PLD3: variants seen among roughly 807,000 people sequenced by gnomAD.
The protein encoded by PLD3 is 5'-3' exonuclease PLD3.
Under a neutral mutation model 58.4 loss-of-function variants are expected in PLD3, and 31 were observed. That is an observed-to-expected ratio of 0.53 (90% CI 0.40 to 0.72). The LOEUF is 0.72. PLD3 is among the 30% of genes least tolerant of loss of function. The probability of loss-of-function intolerance (pLI) is 0.00; values close to 1 mark genes in which losing one functional copy is unlikely to be tolerated. For missense variants in PLD3, 595 were observed against 659.8 expected (o/e 0.90, Z 1.08); for synonymous variants, 264 against 273.4 (o/e 0.97, Z 0.34).
chr19:40,370,503 T>A, intron 8 of PLD3: 2 of 266,532 alleles, frequency 7.5e-6, no homozygotes, highest in Non-Finnish European at 7.1e-6. Flanking sequence ...TGAGACCCCA[T>A]CTCTACCAAA....
At chr19:40,364,151 C>T (rs943516066) in intron 1 of PLD3, among the ~76,000 whole-genome samples, 2 of 150,948 alleles carry the variant, frequency 1.3e-5, no homozygotes, top group African/African-American at 4.9e-5. Context: ...GTCAGGAGTT[C>T]GAGACCAGCC....
At chr19:40,350,040 C>T (rs1471296263) in intron 1 of PLD3, among the ~76,000 whole-genome samples, 1 of 150,904 alleles carries the variant, frequency 6.6e-6, no homozygotes, top group Non-Finnish European at 1.5e-5. Context: ...GCGGGCGGAT[C>T]ACCTCAGGTC....
At chr19:40,377,913 TGAA>T (rs757934828) in intron 12 of PLD3, 28 bp downstream of exon 12, 15 of 1,613,160 alleles carry the variant, frequency 9.3e-6, no homozygotes, top group Non-Finnish European at 1.2e-5. Flanking sequence ...CACGGGGCGC[TGAA>T]GAAGAGGGGG....
chr19:40,374,172 G>C (rs2079134711), intron 9 of PLD3, among the ~76,000 whole-genome samples: 1 of 152,098 alleles, frequency 6.6e-6, no homozygotes, highest in African/African-American at 2.4e-5. Flanking sequence ...AGGTGATGCT[G>C]TTGCCGCTGG....
In PLD3 at chr19:40,376,535, C is replaced by G. The variant is rs554796769; in HGVS notation, c.1020-74C>G. On this transcript the variant is annotated intron_variant, in intron 10 of 12. Coordinates refer to ENST00000409735, the MANE Select transcript of PLD3 (RefSeq NM_012268.4). ...AAAGCAGGGCCCAGGCTTGGTTCCC[C>G]AAAGCTGAGGGCAAAGCCTGTGGAC... 399 of 1,486,572 alleles carry G rather than the reference C, an allele frequency of 2.7e-4. 2 individuals carry two copies. In the African/African-American group the frequency reaches 4.6e-3, roughly 17 times the overall value. 92.1% of individuals were successfully genotyped at this position (1,486,572 alleles called of 1,614,324 possible).
In PLD3 at chr19:40,374,538, A is replaced by G. The variant is rs773896667; in HGVS notation, c.937A>G (p.Asn313Asp). ...GRTPDLKALL[N>D]VVDNARSFIY... ...CACTCCAGACCTGAAGGCTCTACTC[A>G]ACGTGGTGGACAATGCCCGGAGTTT... The change falls in exon 10 of 13, where the codon AAC becomes GAC. Residue 313 changes from asparagine (N) to aspartate (D), a missense_variant. Physicochemically the swap from Asn to Asp is conservative, Grantham distance 23. Coordinates refer to ENST00000409735, the MANE Select transcript of PLD3 (RefSeq NM_012268.4). 11 of 1,614,114 alleles carry G rather than the reference A, an allele frequency of 6.8e-6. No individual in the cohort carries two copies. Among genetic ancestry groups the G allele is most frequent in the Non-Finnish European group, 9.3e-6 (11 of 1,180,018 alleles).
chr19:40,350,112 T>C (rs1472777086), intron 1 of PLD3, among the ~76,000 whole-genome samples: 2 of 149,534 alleles, frequency 1.3e-5, no homozygotes, highest in Non-Finnish European at 3.0e-5. Context: ...AATACAAAAT[T>C]AGCCAGGCAT....
rs778869175 is a variant in PLD3, at chr19:40,374,490, C to G, written c.889C>G (p.Pro297Ala). 1.2e-6 allele frequency: 2 copies of G among 1,614,110 alleles called. No individual in the cohort carries two copies. Among genetic ancestry groups the G allele is most frequent in the East Asian group, 4.5e-5 (2 of 44,872 alleles). Reference sequence around the variant, plus strand: ...GTCCCCTCGCCCTCAGAGTGCGCCCCCACCCCTGTGTCCAAGTGGCCGCAC... The same window carrying G: ...GTCCCCTCGCCCTCAGAGTGCGCCCGCACCCCTGTGTCCAAGTGGCCGCAC... ...PALAYLASAP[P>A]PLCPSGRTPD... is the part of the protein sequence containing the mutation. Residue 297 changes from proline (P) to alanine (A), a missense_variant, in exon 10 of 13, where the codon CCA (proline) becomes GCA (alanine). Pro to Ala is a conservative substitution (Grantham distance 27). Transcript: ENST00000409735.
chr19:40,352,155 C>T, intron 1 of PLD3, among the ~76,000 whole-genome samples: 1 of 151,506 alleles, frequency 6.6e-6, no homozygotes, highest in Admixed American at 6.6e-5. Flanking sequence ...TGCCTGTAAT[C>T]CCAGCTACTC....
Position 40,377,826 on chromosome 19 carries a change from T to C in PLD3, c.1226T>C (p.Ile409Thr), listed in dbSNP as rs762001335. ...VVPADEAQAR[I>T]PYARVNHNKY... is the part of the protein sequence containing the mutation. ...CCCGCGGATGAGGCCCAGGCTCGAA[T>C]CCCATATGCCCGTGTCAACCACAAC... Residue 409 changes from isoleucine (I) to threonine (T), a missense_variant, in exon 12 of 13, where the codon ATC becomes ACC. By Grantham distance (89) the Ile-to-Thr change is moderately conservative. Transcript: ENST00000409735. 4 of 1,613,870 alleles carry C rather than the reference T, an allele frequency of 2.5e-6. 1 individual carries two copies. In the South Asian group the frequency reaches 4.4e-5, roughly 18 times the overall value.
chr19:40,374,958 C>G (rs563646261), intron 10 of PLD3: 5 of 277,032 alleles, frequency 1.8e-5, no homozygotes, highest in Non-Finnish European at 3.5e-5. Flanking sequence ...GAGTTCAAGA[C>G]CAGCCTGGCT....
At chr19:40,376,445 T>G in intron 10 of PLD3, 164 bp from the exon 11 acceptor site, 1 of 616,148 alleles carries the variant, frequency 1.6e-6, no homozygotes, top group Non-Finnish European at 2.8e-6. Flanking sequence ...GAAATAGGGA[T>G]GTGGGATTTA....
chr19:40,362,477 C>A (rs2078811054), intron 1 of PLD3, among the ~76,000 whole-genome samples: 1 of 152,226 alleles, frequency 6.6e-6, no homozygotes, highest in Non-Finnish European at 1.5e-5. Flanking sequence ...ACTCTGTCAG[C>A]TGGGCTGGAG....
rs1323595305 is a variant in PLD3, at chr19:40,365,801, C to CGCT, written c.-192_-190dup. ...TGGGGCACGCACTGCGCAGACTCCC[C>CGCT]GCTGCAGTGGGCGGAGCTCCCACAG... On this transcript the variant is annotated 5_prime_UTR_variant, in exon 2 of 13. Transcript: ENST00000409735. 6.5e-6 allele frequency: 1 copy of CGCT among 153,812 alleles called. No individual in the cohort carries two copies. Among genetic ancestry groups the CGCT allele is most frequent in the East Asian group, 1.9e-4 (1 of 5,202 alleles). The allele number at this position is 153,812 out of a possible 1,614,324, so 9.5% of individuals were successfully genotyped here.
intron 1 of PLD3, chr19:40,358,688 C>G (rs2078709481): frequency 6.6e-6 from 1 of 152,334 alleles, no homozygotes; most frequent in Non-Finnish European, 1.5e-5. Flanking sequence ...AGCCACTGCG[C>G]CCTGCCAATA....
chr19:40,378,108 T>G lies in PLD3; in HGVS notation c.1408T>G (p.Ser470Ala). 1 of 1,613,932 alleles carries G rather than the reference T, an allele frequency of 6.2e-7. No homozygotes were observed. Among genetic ancestry groups the G allele is most frequent in the Non-Finnish European group, 8.5e-7 (1 of 1,179,892 alleles). ...LEAIFLRDWD[S>A]PYSHDLDTSA... ...GGCCATTTTCCTGAGGGACTGGGAC[T>G]CCCCTTACAGCCATGACCTTGACAC... The change falls in exon 13 of 13, where the codon TCC (serine) becomes GCC (alanine). Residue 470 changes from serine to alanine, a missense_variant. Transcript: ENST00000409735.
chr19:40,364,022 T>C (rs1342028949), intron 1 of PLD3, among the ~76,000 whole-genome samples: 1 of 152,226 alleles, frequency 6.6e-6, no homozygotes, highest in Non-Finnish European at 1.5e-5. Flanking sequence ...CGAGATATTT[T>C]CTATACTTCT....
At chr19:40,355,612 CTTTTTTTTTTT>C (rs60422933) in intron 1 of PLD3, among the ~76,000 whole-genome samples, 43 of 81,108 alleles carry the variant, frequency 5.3e-4, no homozygotes, top group African/African-American at 1.8e-3. Context: ...GTGCCGGCTC[CTTTTTTTTTTT>C]TTTTTTTTTT....
In PLD3 at chr19:40,374,482, G is replaced by C. The variant is rs1278064727; in HGVS notation, c.881G>C (p.Ser294Thr). The C allele has an allele frequency of 7.4e-6, 12 of 1,613,968 alleles. No homozygotes were observed. The highest frequency in any genetic ancestry group is 1.0e-5 in the Non-Finnish European group (12 of 1,180,018). Residue 294 changes from serine (S) to threonine (T), a missense_variant and splice_region_variant, in exon 10 of 13, where the codon AGT (serine) becomes ACT (threonine). By Grantham distance (58) the Ser-to-Thr change is moderately conservative. Coordinates refer to ENST00000409735, the MANE Select transcript of PLD3 (RefSeq NM_012268.4). ...TCTTAACTGTCCCCTCGCCCTCAGA[G>C]TGCGCCCCCACCCCTGTGTCCAAGT... ...NGTPALAYLA[S>T]APPPLCPSGR...
Sources: allele counts gnomAD v4.1 joint callset (sites outside exome capture counted in the v4.1 genomes callset), GRCh38; gene constraint gnomAD v4.1.1; transcripts MANE v1.5; gene names NCBI Gene and HGNC (gene_info 2026-07-23, HGNC 2026-07-21).